Variants in INF2 observed in about 807,000 individuals in gnomAD.
INF2 encodes the protein inverted formin 2.
In INF2, 43 loss-of-function variants were observed where a neutral mutation model predicts 123.5. The ratio of observed to expected loss-of-function variants is 0.35; its 90% CI spans 0.27 to 0.45. The LOEUF (loss-of-function observed/expected upper bound fraction) is 0.45, where lower values mean the gene tolerates loss of function less well. Ranked by LOEUF, INF2 falls within the 20% of genes least tolerant of loss-of-function variation. INF2 has a pLI of 1.00. For synonymous variants in INF2, 851 were observed against 745.0 expected, an observed-to-expected ratio of 1.14 and a Z score of -2.32; for missense variants, 1,453 against 1,682.7, an observed-to-expected ratio of 0.86 and a Z score of 2.39.
intron 1 of INF2, among the ~76,000 whole-genome samples, chr14:104,694,938 G>A (rs4072285): frequency 0.14 from 20,588 of 152,192 alleles, 1,795 homozygotes; most frequent in Admixed American, 0.18. Flanking sequence ...CCCTGAAGCC[G>A]GGGCCTGGCT....
At chr14:104,713,661 G>A in intron 20 of INF2, 55 bp downstream of exon 20, 8 of 1,573,014 alleles carry the variant, frequency 5.1e-6, no homozygotes, top group Non-Finnish European at 6.9e-6. Flanking sequence ...TCCCTACCCT[G>A]TGCCTCCAGG....
At chr14:104,682,441 A>C (rs1440856857) in intron 1 of INF2, among the ~76,000 whole-genome samples, 1 of 152,188 alleles carries the variant, frequency 6.6e-6, no homozygotes, top group Non-Finnish European at 1.5e-5. Context: ...GGTGCCCCAG[A>C]TGAGCAGGCA....
chr14:104,717,152 T>G (rs1306942015), intron 22 of INF2, among the ~76,000 whole-genome samples: 1 of 152,224 alleles, frequency 6.6e-6, no homozygotes, highest in Non-Finnish European at 1.5e-5. Flanking sequence ...GAGAGTTTCT[T>G]ATAAACATCA....
rs187774762 is a variant in INF2, at chr14:104,717,313, C to T, written c.*2-1482C>T. ...CTCCCAGTCCCCCCCCCGGGCAGGG[C>T]GCGCTGCCGTCCTCCTAGTCCGCCC... On this transcript the variant is annotated intron_variant, in intron 22 of 22. Transcript: ENST00000392634. Among the ~76,000 whole-genome samples, 79 of 107,206 alleles carry T rather than the reference C, an allele frequency of 7.4e-4. 2 individuals carry two copies. In the East Asian group the frequency reaches 0.02, roughly 27 times the overall value. The allele number at this position is 107,206 out of a possible 152,430, so 70.3% of individuals were successfully genotyped here.
rs561061092 is a variant in INF2, at chr14:104,712,460, G to A, written c.2517G>A (p.Glu839=). The A allele has an allele frequency of 1.5e-4, 244 of 1,612,646 alleles. 2 individuals carry two copies. In the South Asian group the frequency reaches 2.6e-3, roughly 17 times the overall value. Residue 839 remains glutamate, a synonymous_variant, in exon 17 of 23, where the codon GAG becomes GAA. Coordinates refer to ENST00000392634, the MANE Select transcript of INF2 (RefSeq NM_022489.4). ...TCAACCTGGAGATCATCCGCTCAGAGGCCAGCTCCAACCTGAAGAAGCTTC... is the reference window on the plus strand; with the variant it reads ...TCAACCTGGAGATCATCCGCTCAGAAGCCAGCTCCAACCTGAAGAAGCTTC... ...AGINLEIIRS[E]ASSNLKKLLE... is the part of the protein sequence containing the mutation.
chr14:104,716,635 T>C (rs1890311082), intron 22 of INF2, among the ~76,000 whole-genome samples: 1 of 152,232 alleles, frequency 6.6e-6, no homozygotes, highest in Admixed American at 6.5e-5. Context: ...CCCCAGCTCC[T>C]GCCACGCACG....
Position 104,701,337 on chromosome 14 carries a change from TCCC to T in INF2, c.-9-19_-9-17del, listed in dbSNP as rs758352435. 1.5e-5 allele frequency: 24 copies of T among 1,557,642 alleles called. No individual in the cohort carries two copies. The African/African-American group carries it at 2.9e-4, about 19-fold the overall frequency. ...CCCCCATCCCCTCCCCGCTGACGGCTCCCTGCCCTCTGCCTGCAGCTCGGCAAG... is the reference window on the plus strand; with the variant it reads ...CCCCCATCCCCTCCCCGCTGACGGCTTGCCCTCTGCCTGCAGCTCGGCAAG... On this transcript the variant is annotated splice_polypyrimidine_tract_variant and intron_variant, in intron 1 of 22. Transcript: ENST00000392634.
chr14:104,712,759 C>G (rs1446084864), intron 17 of INF2, 69 bp from the exon 18 acceptor site: 1 of 1,520,380 alleles, frequency 6.6e-7, no homozygotes, highest in East Asian at 2.4e-5. Context: ...CCTCCCGCAA[C>G]TCAGGGCCTC....
chr14:104,713,394 A>C, intron 19 of INF2, 51 bp from the exon 20 acceptor site: 1 of 1,585,844 alleles, frequency 6.3e-7, no homozygotes. Flanking sequence ...CCAGCCCTCT[A>C]GGTGGGCTCC....
At chr14:104,691,234 G>C (rs945504356) in intron 1 of INF2, 1 of 152,256 alleles carries the variant, frequency 6.6e-6, no homozygotes, top group Non-Finnish European at 1.5e-5. Context: ...TAGACTCTGC[G>C]CCTTCCATCA....
At chr14:104,689,590 T>TGCCCCCCCCCC, upstream of INF2, 114 of 646,920 alleles carry the variant, frequency 1.8e-4, no homozygotes, top group South Asian at 2.9e-4. Flanking sequence ...CTCCTCTTCC[T>TGCCCCCCCCCC]CCCGCCCGCC....
intron 1 of INF2, among the ~76,000 whole-genome samples, chr14:104,683,347 C>T (rs1268946050): frequency 6.6e-6 from 1 of 152,238 alleles, no homozygotes; most frequent in African/African-American, 2.4e-5. Flanking sequence ...TGCCTCCCAC[C>T]GTCCACTCCA....
intron 1 of INF2, among the ~76,000 whole-genome samples, chr14:104,683,907 T>C (rs1888594549): frequency 6.6e-6 from 1 of 152,178 alleles, no homozygotes; most frequent in East Asian, 1.9e-4. Flanking sequence ...AGAACACAGC[T>C]ACACGCAGGC....
At position 104,706,143 on chromosome 14, in the gene INF2, CCACCAGG is replaced by C; in HGVS notation, c.811_817del (p.His271ArgfsTer10). 1 of 1,602,424 alleles carries C rather than the reference CCACCAGG, an allele frequency of 6.2e-7. No homozygotes were observed. The highest frequency in any genetic ancestry group is 8.5e-7 in the Non-Finnish European group (1 of 1,175,082). ...TCTCTGGCGGGGTCGACATGAGCAGCCACCAGGAGGTCTTTGCCTCCCTGTTCCACAA... is the reference window on the plus strand; with the variant it reads ...TCTCTGGCGGGGTCGACATGAGCAGCAGGTCTTTGCCTCCCTGTTCCACAA... On this transcript the variant is annotated frameshift_variant, in exon 6 of 23. Transcript: ENST00000392634. LOFTEE classifies it high-confidence loss of function.
upstream of INF2, chr14:104,689,513 C>CCA: frequency 1.9e-5 from 5 of 262,952 alleles, no homozygotes; most frequent in Non-Finnish European, 2.8e-5. Context: ...CCACCCACCT[C>CCA]CCCCCCCAGG....
At chr14:104,691,728 G>A (rs975959844) in intron 1 of INF2, among the ~76,000 whole-genome samples, 1 of 148,484 alleles carries the variant, frequency 6.7e-6, no homozygotes, top group African/African-American at 2.4e-5. Context: ...AGAGAGGGCA[G>A]GGGCACGGGC....
Position 104,714,627 on chromosome 14 carries a change from T to G in INF2, c.3465T>G (p.Ala1155=). 1 of 1,612,590 alleles carries G rather than the reference T, an allele frequency of 6.2e-7. No individual in the cohort carries two copies. The highest frequency in any genetic ancestry group is 1.7e-5 in the Admixed American group (1 of 60,028). Residue 1155 remains alanine (A), a synonymous_variant, in exon 21 of 23, where the codon GCT becomes GCG. Coordinates refer to ENST00000392634, the MANE Select transcript of INF2 (RefSeq NM_022489.4). ...ADSTSEGLED[A]VHSRGARPPA... is the part of the protein sequence containing the mutation. ...GCACAAGTGAGGGGCTGGAGGACGCTGTCCACAGCCGTGGTGCCAGACCCC... is the reference window on the plus strand; with the variant it reads ...GCACAAGTGAGGGGCTGGAGGACGCGGTCCACAGCCGTGGTGCCAGACCCC...
chr14:104,713,727 C>A (rs1890162497), intron 20 of INF2, 121 bp downstream of exon 20: 3 of 1,126,290 alleles, frequency 2.7e-6, no homozygotes, highest in Admixed American at 2.4e-5. Flanking sequence ...ACCCTGGAGG[C>A]CCCTAAGACT....
At position 104,709,688 on chromosome 14, in the gene INF2, C is replaced by A. The variant is rs1391783965; in HGVS notation, c.2121C>A (p.Leu707=). The A allele has an allele frequency of 6.2e-7, 1 of 1,612,572 alleles. No individual in the cohort carries two copies. Among genetic ancestry groups the A allele is most frequent in the African/African-American group, 1.3e-5 (1 of 74,942 alleles). The change falls in exon 12 of 23, where the codon CTC becomes CTA. Residue 707 remains leucine, a synonymous_variant. Coordinates refer to ENST00000392634, the MANE Select transcript of INF2 (RefSeq NM_022489.4). ...CCAGCGCCGACCACTTCTACCTCCT[C>A]CTGCTGGCCATTCCCTGGTGAGCAT... The part of the protein sequence containing the change: ...KLASADHFYL[L]LLAIPCYQLR...
Sources: allele counts gnomAD v4.1 joint callset (sites outside exome capture counted in the v4.1 genomes callset), GRCh38; gene constraint gnomAD v4.1.1; transcripts MANE v1.5; gene names NCBI Gene and HGNC (gene_info 2026-07-23, HGNC 2026-07-21).